Variants in MBOAT2 observed in about 807,000 individuals in gnomAD.
MBOAT2 encodes membrane-bound glycerophospholipid O-acyltransferase 2.
MBOAT2 carries 28 observed loss-of-function variants against 63.4 expected under a neutral mutation model. The observed-to-expected ratio is 0.44, with a 90% CI of 0.33 to 0.61. MBOAT2 has a LOEUF of 0.61. Among genes scored for constraint, MBOAT2 ranks in the 20% least tolerant of loss-of-function variants. The probability of loss-of-function intolerance (pLI) is 0.03; values close to 1 mark genes in which losing one functional copy is unlikely to be tolerated. For synonymous variants in MBOAT2, 211 were observed against 215.6 expected (o/e 0.98, Z 0.19); for missense variants, 470 against 605.8 (o/e 0.78, Z 2.35).
At chr2:8,908,948 G>C (rs551273630) in intron 3 of MBOAT2, among the ~76,000 whole-genome samples, 1 of 152,170 alleles carries the variant, frequency 6.6e-6, no homozygotes, top group African/African-American at 2.4e-5. Context: ...CCTTCTGAGA[G>C]ACATACACAC....
At chr2:8,891,699 C>T (rs1471522518) in intron 4 of MBOAT2, among the ~76,000 whole-genome samples, 1 of 152,034 alleles carries the variant, frequency 6.6e-6, no homozygotes, top group Non-Finnish European at 1.5e-5. Context: ...TACCTTGACA[C>T]GAATTGGAAA....
intron 4 of MBOAT2, among the ~76,000 whole-genome samples, chr2:8,897,816 A>G (rs1664595834): frequency 6.6e-6 from 1 of 152,198 alleles, no homozygotes; most frequent in Non-Finnish European, 1.5e-5. Flanking sequence ...CTCTGGGAGA[A>G]AAGTGGCAGG....
chr2:8,944,320 A>T lies in MBOAT2; in HGVS notation c.222-1056T>A, dbSNP rs140217874. Among the ~76,000 whole-genome samples, 754 of 152,306 alleles carry T rather than the reference A, an allele frequency of 5.0e-3. 9 individuals carry two copies. The highest frequency in any genetic ancestry group is 0.02 in the South Asian group (97 of 4,826). Reference sequence around the variant, plus strand: ...AATTTATGCATGTCCGTGCATGCACACACACTCTCTCCACTTTCTTTCCCC... The same window carrying T: ...AATTTATGCATGTCCGTGCATGCACTCACACTCTCTCCACTTTCTTTCCCC... On this transcript the variant is annotated intron_variant, in intron 2 of 12. Transcript: ENST00000305997.
intron 2 of MBOAT2, among the ~76,000 whole-genome samples, chr2:8,953,407 T>C (rs749991649): frequency 6.6e-6 from 1 of 152,212 alleles, no homozygotes; most frequent in African/African-American, 2.4e-5. Context: ...GTCTGGTGAC[T>C]ATATGCCTTG....
intron 3 of MBOAT2, among the ~76,000 whole-genome samples, chr2:8,942,604 C>T (rs1668133204): frequency 6.6e-6 from 1 of 152,174 alleles, no homozygotes; most frequent in South Asian, 2.1e-4. Flanking sequence ...TGAATATATA[C>T]CCACTTGAAA....
rs1316900208 is a variant in MBOAT2 at position 8,912,294 on chromosome 2, GAAAGA to G, written c.300-3583_300-3579del. ...GAAAGACAGAAAGACAGAAGGAAAA[GAAAGA>G]AAAGAAAGAAAGAAAGAAAGAAAGA... On this transcript the variant is annotated intron_variant, in intron 3 of 12. Coordinates refer to ENST00000305997, the MANE Select transcript of MBOAT2 (RefSeq NM_138799.4). Among the ~76,000 whole-genome samples, 544 of 106,020 alleles carry G rather than the reference GAAAGA, an allele frequency of 5.1e-3. 1 individual carries two copies. The highest frequency in any genetic ancestry group is 8.6e-3 in the Middle Eastern group (2 of 232). The allele number at this position is 106,020 out of a possible 152,430, so 69.6% of individuals were successfully genotyped here. A position where few individuals can be genotyped will look rare whatever the true frequency, so the allele number is the denominator to read the frequency against.
At chr2:8,988,593 G>T (rs1671719800) in intron 1 of MBOAT2, among the ~76,000 whole-genome samples, 1 of 152,090 alleles carries the variant, frequency 6.6e-6, no homozygotes, top group Non-Finnish European at 1.5e-5. Context: ...TTTTTAAGAA[G>T]TCATTAAGAG....
chr2:8,963,439 G>A (rs981327067), intron 1 of MBOAT2, among the ~76,000 whole-genome samples: 3 of 152,216 alleles, frequency 2.0e-5, no homozygotes, highest in Admixed American at 6.5e-5. Context: ...AAGCAGCTGG[G>A]ATTACAGGCA....
intron 3 of MBOAT2, among the ~76,000 whole-genome samples, chr2:8,940,003 C>G (rs1291123573): frequency 2.0e-5 from 3 of 152,078 alleles, no homozygotes; most frequent in Non-Finnish European, 4.4e-5. Flanking sequence ...ATGCTCAGAA[C>G]AGAACAGATA....
At chr2:8,982,578 C>T (rs886149819) in intron 1 of MBOAT2, among the ~76,000 whole-genome samples, 2 of 152,198 alleles carry the variant, frequency 1.3e-5, no homozygotes, top group Non-Finnish European at 2.9e-5. Flanking sequence ...TTCTATGACA[C>T]TGCGTACTGT....
rs566628837 is a variant in MBOAT2, at chr2:8,870,994, TTTGG to T, written c.883+2110_883+2113del. 1.6e-3 allele frequency among the ~76,000 whole-genome samples: 241 copies of T among 152,032 alleles called. 2 individuals carry two copies. The highest frequency in any genetic ancestry group is 3.0e-3 in the Non-Finnish European group (203 of 67,980). On this transcript the variant is annotated intron_variant, in intron 8 of 12. Coordinates refer to ENST00000305997, the MANE Select transcript of MBOAT2 (RefSeq NM_138799.4). ...TTGCAAATAAAAAATTAATGATAAA[TTTGG>T]TTGATTTTTTTTTTGAGGCAGGGTC...
chr2:8,880,719 A>T (rs941429765), intron 6 of MBOAT2, among the ~76,000 whole-genome samples: 1 of 152,226 alleles, frequency 6.6e-6, no homozygotes, highest in Non-Finnish European at 1.5e-5. Flanking sequence ...CCAGTGAAGG[A>T]GGAGAAAAAT....
chr2:8,979,839 A>T (rs1346609569), intron 1 of MBOAT2, among the ~76,000 whole-genome samples: 1 of 152,144 alleles, frequency 6.6e-6, no homozygotes, highest in Non-Finnish European at 1.5e-5. Context: ...CTGACAACGC[A>T]AGACTCAACA....
intron 2 of MBOAT2, among the ~76,000 whole-genome samples, chr2:8,953,086 GT>G (rs1168624059): frequency 6.6e-6 from 1 of 152,232 alleles, no homozygotes; most frequent in Non-Finnish European, 1.5e-5. Flanking sequence ...TATTTATGTT[GT>G]TTTTTGTGGT....
intron 1 of MBOAT2, among the ~76,000 whole-genome samples, chr2:8,984,200 A>G (rs967844804): frequency 1.3e-5 from 2 of 152,214 alleles, no homozygotes; most frequent in African/African-American, 4.8e-5. Flanking sequence ...AAGTATCTAG[A>G]ACAGTCAACT....
At chr2:8,933,541 T>C (rs1381174865) in intron 3 of MBOAT2, among the ~76,000 whole-genome samples, 2 of 152,156 alleles carry the variant, frequency 1.3e-5, no homozygotes, top group South Asian at 2.1e-4. Flanking sequence ...AGGGTTTCAC[T>C]ATGTTGCACA....
Position 8,898,110 on chromosome 2 carries a change from C to A in MBOAT2, c.396-10037G>T, listed in dbSNP as rs147007360. On this transcript the variant is annotated intron_variant, in intron 4 of 12. Coordinates refer to ENST00000305997, the MANE Select transcript of MBOAT2 (RefSeq NM_138799.4). ...TGCCACTGTTTGTGGGGTTGTCCCA[C>A]GAGTCTGAGTAAGGACTCCAAGAGC... 6.1e-3 allele frequency among the ~76,000 whole-genome samples: 931 copies of A among 152,300 alleles called. 17 individuals carry two copies. The highest frequency in any genetic ancestry group is 0.021 in the African/African-American group (893 of 41,560).
At chr2:8,902,780 G>A (rs533183451) in intron 4 of MBOAT2, among the ~76,000 whole-genome samples, 96 of 152,294 alleles carry the variant, frequency 6.3e-4, no homozygotes, top group African/African-American at 2.0e-3. Flanking sequence ...TAAAGGTGGC[G>A]GGGACCCAAA....
intron 1 of MBOAT2, among the ~76,000 whole-genome samples, chr2:8,967,417 C>T (rs1236070227): frequency 6.6e-6 from 1 of 152,180 alleles, no homozygotes; most frequent in African/African-American, 2.4e-5. Context: ...CTGTCCAAAG[C>T]AGATACCCTG....
Sources: gnomAD v4.1 joint callset for allele counts (sites outside exome capture counted in the v4.1 genomes callset) on GRCh38, gnomAD v4.1.1 for gene constraint, MANE v1.5 for transcripts, NCBI Gene and HGNC (gene_info 2026-07-23, HGNC 2026-07-21) for gene names.